The following KPNA3 variants were observed in gnomAD, a reference collection of about 807,000 sequenced individuals.
KPNA3 encodes the protein importin subunit alpha-4.
KPNA3 carries 13 observed loss-of-function variants against 73.8 expected under a neutral mutation model. The observed-to-expected ratio is 0.18, with a 90% CI of 0.11 to 0.28. KPNA3 has a LOEUF of 0.28. Ranked by LOEUF, KPNA3 falls within the 10% of genes least tolerant of loss-of-function variation. The pLI is 1.00. For missense variants in KPNA3, 360 were observed against 618.1 expected, an observed-to-expected ratio of 0.58 and a Z score of 4.43; for synonymous variants, 186 against 206.9, an observed-to-expected ratio of 0.90 and a Z score of 0.87.
At chr13:49,706,436 T>G in intron 12 of KPNA3, 64 bp from the exon 13 acceptor site, 1 of 1,062,136 alleles carries the variant, frequency 9.4e-7, no homozygotes, top group Non-Finnish European at 1.4e-6. Flanking sequence ...GTCTTTCTAA[T>G]ATATTTTATA....
intron 2 of KPNA3, 46 bp downstream of exon 2, chr13:49,746,903 A>G: frequency 7.1e-7 from 1 of 1,417,902 alleles, no homozygotes; most frequent in South Asian, 1.2e-5. Context: ...GAATTTTAAC[A>G]TCAGAAAAAT....
At chr13:49,725,665 A>G (rs1954402909) in intron 6 of KPNA3, among the ~76,000 whole-genome samples, 164 bp from the exon 7 acceptor site, 2 of 145,762 alleles carry the variant, frequency 1.4e-5, no homozygotes, top group African/African-American at 5.1e-5. Flanking sequence ...TTTTTTTGAG[A>G]TGGAGTCTCC....
At chr13:49,772,818 C>G (rs1467707482) in intron 1 of KPNA3, among the ~76,000 whole-genome samples, 1 of 152,026 alleles carries the variant, frequency 6.6e-6, no homozygotes, top group Admixed American at 6.6e-5. Flanking sequence ...TAAATAAAGA[C>G]AGTTAAATAC....
At chr13:49,740,648 T>C (rs976998952) in intron 2 of KPNA3, among the ~76,000 whole-genome samples, 15 of 152,308 alleles carry the variant, frequency 9.8e-5, no homozygotes, top group Middle Eastern at 3.4e-3. Flanking sequence ...GTGAGTCCAA[T>C]AAACCTCTTT....
At position 49,725,427 on chromosome 13, in the gene KPNA3, A is replaced by G; in HGVS notation, c.458T>C (p.Val153Ala). 6.2e-7 allele frequency: 1 copy of G among 1,608,460 alleles called. No homozygotes were observed. Residue 153 changes from valine to alanine, a missense_variant, in exon 7 of 17, where the codon GTT (valine) becomes GCT (alanine). Around this residue, in one of 3 missense-constraint regions of KPNA3, gnomAD observed 287 missense variants for 549.1 expected, o/e 0.52. Coordinates refer to ENST00000261667, the MANE Select transcript of KPNA3 (RefSeq NM_002267.4). Reference protein sequence around the residue: ...ASGTSAQTQAVVQSNAVPLFL... With the variant: ...ASGTSAQTQAAVQSNAVPLFL... ...AGGAATTTACTTACTAGACTGCACA[A>G]CAGCTTGAGTCTGTGCAGAAGTTCC... is the stretch of plus-strand genomic sequence containing the variant.
rs766108805 is a variant in KPNA3 at position 49,711,035 on chromosome 13, CA to C, written c.772-14del. 1.3e-6 allele frequency: 2 copies of C among 1,594,098 alleles called. No individual in the cohort carries two copies. Among genetic ancestry groups the C allele is most frequent in the Non-Finnish European group, 1.7e-6 (2 of 1,174,052 alleles). ...TGTCTACAAGAATCTACAGGAAACA[CA>C]AAAGAAAAACCATTTTACATATTTG... is the stretch of plus-strand genomic sequence containing the variant. On this transcript the variant is annotated splice_polypyrimidine_tract_variant and intron_variant, in intron 10 of 16. Coordinates refer to ENST00000261667, the MANE Select transcript of KPNA3 (RefSeq NM_002267.4).
intron 2 of KPNA3, among the ~76,000 whole-genome samples, chr13:49,745,361 A>T (rs1183531076): frequency 7.0e-6 from 1 of 142,688 alleles, no homozygotes; most frequent in Non-Finnish European, 1.6e-5. Context: ...TCAAGACGGT[A>T]ATTTTTTTTT....
At chr13:49,760,958 C>G (rs544607525) in intron 1 of KPNA3, among the ~76,000 whole-genome samples, 1 of 152,196 alleles carries the variant, frequency 6.6e-6, no homozygotes, top group South Asian at 2.1e-4. Context: ...CTGCCCTTTC[C>G]CCCCATGATC....
At chr13:49,783,950 T>G in intron 1 of KPNA3, among the ~76,000 whole-genome samples, 1 of 152,190 alleles carries the variant, frequency 6.6e-6, no homozygotes, top group Middle Eastern at 3.2e-3. Context: ...AATCAAGACT[T>G]TAAATCAAAC....
intron 1 of KPNA3, among the ~76,000 whole-genome samples, chr13:49,756,124 T>C (rs910410643): frequency 2.0e-5 from 3 of 151,568 alleles, no homozygotes; most frequent in Non-Finnish European, 2.9e-5. Flanking sequence ...CAAAAAAAAA[T>C]TTAGCTGGGC....
intron 12 of KPNA3, among the ~76,000 whole-genome samples, chr13:49,708,447 G>A (rs971467680): frequency 2.6e-5 from 4 of 152,210 alleles, no homozygotes; most frequent in African/African-American, 9.6e-5. Context: ...CAGTGCAGCT[G>A]CAATGGAAAA....
intron 1 of KPNA3, among the ~76,000 whole-genome samples, chr13:49,784,294 CAAAT>C (rs1954964709): frequency 6.6e-6 from 1 of 151,712 alleles, no homozygotes; most frequent in Admixed American, 6.6e-5. Flanking sequence ...GGTAAAAAAA[CAAAT>C]AAGAGGAACC....
chr13:49,790,055 T>C (rs1566365159), intron 1 of KPNA3, among the ~76,000 whole-genome samples: 1 of 152,218 alleles, frequency 6.6e-6, no homozygotes, highest in Non-Finnish European at 1.5e-5. Flanking sequence ...AGACTGCATC[T>C]TATTCCTTAT....
At chr13:49,761,933 G>A (rs141893528) in intron 1 of KPNA3, among the ~76,000 whole-genome samples, 3,939 of 150,330 alleles carry the variant, frequency 0.026, 74 homozygotes, top group Middle Eastern at 0.061. Context: ...CAGCCACCCC[G>A]TCTGAGAAGT....
rs1395942963 is a variant in KPNA3 at position 49,762,519 on chromosome 13, A to G, written c.70-15526T>C. Among the ~76,000 whole-genome samples the G allele has an allele frequency of 2.7e-5, 4 of 146,450 alleles. No individual in the cohort carries two copies. The East Asian group carries it at 7.7e-4, about 28-fold the overall frequency. ...GGAGACTCCATTTTTGTTCTGTACTAAGAAAGATTCTTCTGCCTTGGGATG... is the reference window on the plus strand; with the variant it reads ...GGAGACTCCATTTTTGTTCTGTACTGAGAAAGATTCTTCTGCCTTGGGATG... On this transcript the variant is annotated intron_variant, in intron 1 of 16. Coordinates refer to ENST00000261667, the MANE Select transcript of KPNA3 (RefSeq NM_002267.4).
At chr13:49,733,536 G>A (rs994756512) in intron 2 of KPNA3, among the ~76,000 whole-genome samples, 1 of 152,160 alleles carries the variant, frequency 6.6e-6, no homozygotes, top group Non-Finnish European at 1.5e-5. Context: ...TGATCCGCTT[G>A]CCGCGGCCTC....
At chr13:49,779,186 C>T (rs1954921907) in intron 1 of KPNA3, among the ~76,000 whole-genome samples, 1 of 151,960 alleles carries the variant, frequency 6.6e-6, no homozygotes, top group Admixed American at 6.6e-5. Context: ...GCATTCATAG[C>T]TAAATCTTAT....
At chr13:49,791,221 T>C (rs1955030324) in intron 1 of KPNA3, among the ~76,000 whole-genome samples, 1 of 152,096 alleles carries the variant, frequency 6.6e-6, no homozygotes, top group Non-Finnish European at 1.5e-5. Context: ...CCCCACAACC[T>C]TCCTTAAGAC....
At chr13:49,773,421 C>T (rs1954871363) in intron 1 of KPNA3, among the ~76,000 whole-genome samples, 1 of 151,984 alleles carries the variant, frequency 6.6e-6, no homozygotes, top group African/African-American at 2.4e-5. Flanking sequence ...ATTAATCTGC[C>T]TCAAAGATTT....
Sources: allele counts gnomAD v4.1 joint callset (sites outside exome capture counted in the v4.1 genomes callset), GRCh38; gene constraint gnomAD v4.1.1; regional missense constraint gnomAD v4.1.1; transcripts MANE v1.5; gene names NCBI Gene and HGNC (gene_info 2026-07-23, HGNC 2026-07-21).